Variants in SPMIP2 observed in about 807,000 individuals in gnomAD.
SPMIP2 encodes the protein sperm microtubule inner protein 2, also known as protein SPMIP2.
chr4:158,998,440 T>G, the SPMIP2 span, among the ~76,000 whole-genome samples: 1 of 152,254 alleles, frequency 6.6e-6, no homozygotes, highest in Non-Finnish European at 1.5e-5. Context: ...AAGTGGACTA[T>G]TTTGTAGATT....
chr4:158,960,582 G>A, the SPMIP2 span, among the ~76,000 whole-genome samples: 2 of 152,146 alleles, frequency 1.3e-5, no homozygotes, highest in African/African-American at 4.8e-5. Flanking sequence ...TCTTTGAAAG[G>A]AGGGTGCTGG....
At chr4:159,025,378 T>C in the SPMIP2 span, among the ~76,000 whole-genome samples, 2 of 152,186 alleles carry the variant, frequency 1.3e-5, no homozygotes, top group Admixed American at 6.5e-5. Flanking sequence ...TTAGCCAGGC[T>C]GGTCTCGAGC....
At chr4:159,014,755 GGAA>G in the SPMIP2 span, among the ~76,000 whole-genome samples, 4 of 151,880 alleles carry the variant, frequency 2.6e-5, no homozygotes, top group African/African-American at 9.7e-5. Context: ...GGGTTACATT[GGAA>G]GAAGAATTAT....
chr4:158,912,139 C>T, the SPMIP2 span, among the ~76,000 whole-genome samples: 3 of 152,050 alleles, frequency 2.0e-5, no homozygotes, highest in African/African-American at 7.2e-5. Flanking sequence ...ACTTAAGAGA[C>T]ATTTTGTGAT....
chr4:159,072,619 T>A, the SPMIP2 span, among the ~76,000 whole-genome samples: 1 of 151,860 alleles, frequency 6.6e-6, no homozygotes, highest in Non-Finnish European at 1.5e-5. Context: ...CGCACCACCA[T>A]GCCTATATAA....
At chr4:158,921,622 G>A in the SPMIP2 span, among the ~76,000 whole-genome samples, 34 of 152,216 alleles carry the variant, frequency 2.2e-4, no homozygotes, top group African/African-American at 7.5e-4. Flanking sequence ...TGTACAGCCT[G>A]CAGAACTGTA....
chr4:158,964,268 C>T, the SPMIP2 span, among the ~76,000 whole-genome samples: 2 of 152,058 alleles, frequency 1.3e-5, no homozygotes, highest in Admixed American at 1.3e-4. Context: ...TGACAACCAG[C>T]AAAGAAACAG....
chr4:158,926,113 A>T, the SPMIP2 span, among the ~76,000 whole-genome samples: 1 of 152,214 alleles, frequency 6.6e-6, no homozygotes, highest in African/African-American at 2.4e-5. Context: ...AATCAGTCTC[A>T]CTAATGTTTT....
chr4:159,070,028 CAAG>C, the SPMIP2 span, among the ~76,000 whole-genome samples: 1 of 150,932 alleles, frequency 6.6e-6, no homozygotes, highest in Non-Finnish European at 1.5e-5. Context: ...TCGCAAAGTA[CAAG>C]AAGGAGGTGG....
At chr4:158,903,141 C>T in the SPMIP2 span, among the ~76,000 whole-genome samples, 1 of 152,212 alleles carries the variant, frequency 6.6e-6, no homozygotes, top group African/African-American at 2.4e-5. Flanking sequence ...ATCTCCTGGT[C>T]TGTGGGTCAT....
the SPMIP2 span, among the ~76,000 whole-genome samples, chr4:159,053,237 T>C: frequency 1.3e-5 from 2 of 152,114 alleles, no homozygotes; most frequent in Non-Finnish European, 2.9e-5. Context: ...ATTACAGGCG[T>C]GAGCCACCGC....
chr4:158,978,298 G>A, the SPMIP2 span, among the ~76,000 whole-genome samples: 1 of 152,134 alleles, frequency 6.6e-6, no homozygotes, highest in South Asian at 2.1e-4. Context: ...TATGATTTCT[G>A]ATCTTTTGCA....
At chr4:158,974,120 C>G in the SPMIP2 span, among the ~76,000 whole-genome samples, 1 of 150,424 alleles carries the variant, frequency 6.6e-6, no homozygotes, top group Non-Finnish European at 1.5e-5. Flanking sequence ...TAGAATACTC[C>G]GAAAATGTAT....
At chr4:158,929,020 C>T in the SPMIP2 span, among the ~76,000 whole-genome samples, 11 of 152,172 alleles carry the variant, frequency 7.2e-5, no homozygotes, top group African/African-American at 2.4e-4. Context: ...TCCGAGCGTC[C>T]GTGGCTTCAT....
the SPMIP2 span, among the ~76,000 whole-genome samples, chr4:158,983,541 A>C: frequency 7.2e-6 from 1 of 139,440 alleles, no homozygotes; most frequent in South Asian, 2.5e-4. Flanking sequence ...CCAGAATTTC[A>C]TATCCAGCCA....
the SPMIP2 span, among the ~76,000 whole-genome samples, chr4:159,073,396 T>C: frequency 6.6e-6 from 1 of 152,142 alleles, no homozygotes; most frequent in Non-Finnish European, 1.5e-5. Context: ...TCAAGCGATC[T>C]GCCCAACTCA....
the SPMIP2 span, chr4:158,909,575 T>C: frequency 9.8e-6 from 1 of 101,790 alleles, no homozygotes; most frequent in Non-Finnish European, 2.1e-5. Flanking sequence ...ACTGTGATGG[T>C]TTTTTTTTTT....
the SPMIP2 span, among the ~76,000 whole-genome samples, chr4:158,965,563 A>C: frequency 1.3e-5 from 2 of 152,112 alleles, no homozygotes; most frequent in African/African-American, 4.8e-5. Flanking sequence ...GCTCCCCCCA[A>C]GTTAATTGTC....
chr4:158,946,582 C>G, the SPMIP2 span, among the ~76,000 whole-genome samples: 1 of 152,178 alleles, frequency 6.6e-6, no homozygotes, highest in Non-Finnish European at 1.5e-5. Flanking sequence ...CCTTCTGCCA[C>G]AATTGTAAGT....
Sources: gnomAD v4.1 joint callset for allele counts (sites outside exome capture counted in the v4.1 genomes callset) on GRCh38, gnomAD v4.1.1 for gene constraint, MANE v1.5 for transcripts, NCBI Gene and HGNC (gene_info 2026-07-23, HGNC 2026-07-21) for gene names.